L3MBTL3: variants seen among roughly 807,000 people sequenced by gnomAD.
L3MBTL3 encodes the protein lethal(3)malignant brain tumor-like protein 3.
In L3MBTL3, 27 loss-of-function variants were observed where a neutral mutation model predicts 102.3. The ratio of observed to expected loss-of-function variants is 0.26; its 90% confidence interval spans 0.19 to 0.36. The LOEUF is 0.36. Among genes scored for constraint, L3MBTL3 ranks in the 10% least tolerant of loss-of-function variants. The probability of loss-of-function intolerance (pLI) is 1.00; values close to 1 mark genes in which losing one functional copy is unlikely to be tolerated. For missense variants in L3MBTL3, 798 were observed against 955.3 expected (o/e 0.84, Z 2.17); for synonymous variants, 340 against 320.9 (o/e 1.06, Z -0.64).
chr6:130,051,110 T>C (rs1048841092), intron 5 of L3MBTL3, 139 bp from the exon 6 acceptor site: 1 of 634,784 alleles, frequency 1.6e-6, no homozygotes, highest in Non-Finnish European at 2.6e-6. Flanking sequence ...GAAAACACTA[T>C]CATTTGATCA....
chr6:130,039,070 A>G (rs1339444749), intron 2 of L3MBTL3, among the ~76,000 whole-genome samples: 2 of 152,132 alleles, frequency 1.3e-5, no homozygotes, highest in African/African-American at 4.8e-5. Flanking sequence ...GCACTTTTAA[A>G]AATCTTGAAT....
intron 9 of L3MBTL3, among the ~76,000 whole-genome samples, chr6:130,059,207 T>C (rs983550853): frequency 6.6e-6 from 1 of 152,202 alleles, no homozygotes; most frequent in Non-Finnish European, 1.5e-5. Context: ...CAGATTTGCC[T>C]CTCCTGAAGT....
chr6:130,117,503 A>G (rs939320916), intron 19 of L3MBTL3, among the ~76,000 whole-genome samples: 2 of 152,126 alleles, frequency 1.3e-5, no homozygotes, highest in African/African-American at 4.8e-5. Flanking sequence ...ATTCTGATAT[A>G]ATCATATTTT....
intron 13 of L3MBTL3, among the ~76,000 whole-genome samples, chr6:130,073,964 T>G (rs1277906674): frequency 6.6e-6 from 1 of 152,220 alleles, no homozygotes; most frequent in African/African-American, 2.4e-5. Context: ...TTCCTCAACA[T>G]GCAGTTAAGA....
At chr6:130,019,584 G>A (rs1778805300) in intron 1 of L3MBTL3, 1 of 150,480 alleles carries the variant, frequency 6.6e-6, no homozygotes, top group African/African-American at 2.4e-5. Context: ...GTGTGTGCGC[G>A]GCGGAAAGGC....
chr6:130,061,293 C>A (rs1323374779), intron 10 of L3MBTL3, among the ~76,000 whole-genome samples: 2 of 152,124 alleles, frequency 1.3e-5, no homozygotes, highest in East Asian at 3.9e-4. Context: ...CCATGTTGGC[C>A]AGGCTGGTCT....
intron 2 of L3MBTL3, among the ~76,000 whole-genome samples, chr6:130,037,765 A>G (rs1384572416): frequency 6.6e-6 from 1 of 152,094 alleles, no homozygotes; most frequent in Non-Finnish European, 1.5e-5. Flanking sequence ...AATACTTATC[A>G]TTTCATTGCT....
In L3MBTL3 at chr6:130,060,172, TA is replaced by T. The variant is rs1297429276; in HGVS notation, c.864+36del. On this transcript the variant is annotated intron_variant, in intron 10 of 22. Transcript: ENST00000361794. ...TTTGCCTCGTCCTTTATTTTTAAAA[TA>T]AAATGGTGATTATGGGGATTTAAAA... 9.8e-6 allele frequency: 13 copies of T among 1,329,484 alleles called. No homozygotes were observed. In the Admixed American group the frequency reaches 1.9e-4, roughly 19 times the overall value. 82.4% of individuals were successfully genotyped at this position (1,329,484 alleles called of 1,614,324 possible).
intron 10 of L3MBTL3, 99 bp from the exon 11 acceptor site, chr6:130,066,254 A>G (rs1328842297): frequency 1.6e-5 from 6 of 382,326 alleles, no homozygotes; most frequent in Non-Finnish European, 2.1e-5. Context: ...CATTAAGACT[A>G]TATCATGCCT....
chr6:130,055,898 T>C (rs1450840051), intron 8 of L3MBTL3, among the ~76,000 whole-genome samples: 2 of 149,982 alleles, frequency 1.3e-5, no homozygotes, highest in Non-Finnish European at 3.0e-5. Flanking sequence ...TCCCTTCCCT[T>C]CTGTCCCCTC....
intron 10 of L3MBTL3, among the ~76,000 whole-genome samples, chr6:130,065,757 A>G (rs1375405028): frequency 1.3e-5 from 2 of 152,128 alleles, no homozygotes; most frequent in Admixed American, 6.5e-5. Flanking sequence ...CTAAATCAGA[A>G]TGTCTCTAAG....
chr6:130,031,169 G>A (rs1442120632), intron 2 of L3MBTL3, among the ~76,000 whole-genome samples: 1 of 152,170 alleles, frequency 6.6e-6, no homozygotes, highest in Non-Finnish European at 1.5e-5. Flanking sequence ...ACTTTCTCAA[G>A]TCTGGACTTA....
chr6:130,093,843 G>A (rs1161121257), intron 17 of L3MBTL3, among the ~76,000 whole-genome samples: 1 of 152,232 alleles, frequency 6.6e-6, no homozygotes, highest in East Asian at 1.9e-4. Flanking sequence ...GAAGAGCATG[G>A]AGGGATCTGG....
intron 14 of L3MBTL3, among the ~76,000 whole-genome samples, chr6:130,082,436 T>C (rs1038495169): frequency 7.2e-5 from 11 of 152,356 alleles, no homozygotes; most frequent in East Asian, 3.9e-4. Context: ...TCTGTATCAG[T>C]GTAGACCCAT....
At chr6:130,043,093 C>T (rs796521986) in intron 3 of L3MBTL3, among the ~76,000 whole-genome samples, 7 of 152,222 alleles carry the variant, frequency 4.6e-5, no homozygotes, top group African/African-American at 9.6e-5. Flanking sequence ...TGACTCTTAC[C>T]GTGACAGCCT....
At chr6:130,066,286 G>GTGTGTATA (rs1554227522) in intron 10 of L3MBTL3, 67 bp from the exon 11 acceptor site, 17 of 384,420 alleles carry the variant, frequency 4.4e-5, no homozygotes, top group Non-Finnish European at 5.3e-5. Flanking sequence ...TTATTTTTGT[G>GTGTGTATA]TATATATATA....
intron 3 of L3MBTL3, among the ~76,000 whole-genome samples, chr6:130,045,571 T>A (rs573894586): frequency 1.2e-4 from 18 of 152,216 alleles, no homozygotes; most frequent in African/African-American, 3.9e-4. Flanking sequence ...CTGGCAGGGG[T>A]CTCAAAACCA....
At chr6:130,041,117 A>G (rs1780397053) in intron 2 of L3MBTL3, among the ~76,000 whole-genome samples, 1 of 152,230 alleles carries the variant, frequency 6.6e-6, no homozygotes, top group African/African-American at 2.4e-5. Flanking sequence ...CCCTTGAGGA[A>G]TGCATGCTTT....
intron 16 of L3MBTL3, among the ~76,000 whole-genome samples, chr6:130,090,153 C>T (rs1783950852): frequency 6.6e-6 from 1 of 152,006 alleles, no homozygotes; most frequent in African/African-American, 2.4e-5. Context: ...TAATTTATTT[C>T]TAAGCTTAAG....
Sources: allele counts gnomAD v4.1 joint callset (sites outside exome capture counted in the v4.1 genomes callset), GRCh38; gene constraint gnomAD v4.1.1; transcripts MANE v1.5; gene names NCBI Gene and HGNC (gene_info 2026-07-23, HGNC 2026-07-21).